POLR3G: variants seen among roughly 807,000 people sequenced by gnomAD.
POLR3G encodes DNA-directed RNA polymerase III subunit RPC7.
In POLR3G, 28 loss-of-function variants were observed where a neutral mutation model predicts 30.1. The ratio of observed to expected loss-of-function variants is 0.93; its 90% CI spans 0.69 to 1.27. The LOEUF (loss-of-function observed/expected upper bound fraction) is 1.27, where lower values mean the gene tolerates loss of function less well. POLR3G is among the 50% of genes most tolerant of loss of function. POLR3G has a pLI of 0.00. For missense variants in POLR3G, 254 were observed against 264.6 expected, an observed-to-expected ratio of 0.96 and a Z score of 0.28; for synonymous variants, 79 against 82.5, an observed-to-expected ratio of 0.96 and a Z score of 0.23.
chr5:90,480,855 C>G (rs1032897687), intron 1 of POLR3G, among the ~76,000 whole-genome samples: 10 of 152,148 alleles, frequency 6.6e-5, no homozygotes, highest in African/African-American at 2.4e-4. Flanking sequence ...GTGACCCCTT[C>G]TGCTCAGCAG....
At chr5:90,497,359 G>GA in intron 4 of POLR3G, among the ~76,000 whole-genome samples, 1 of 149,154 alleles carries the variant, frequency 6.7e-6, no homozygotes, top group Non-Finnish European at 1.5e-5. Context: ...TAATACTTAA[G>GA]AAAAACTGTC....
intron 1 of POLR3G, among the ~76,000 whole-genome samples, chr5:90,484,106 C>T (rs1426233968): frequency 2.0e-5 from 3 of 152,178 alleles, no homozygotes; most frequent in Admixed American, 2.0e-4. Context: ...TTGCCCAATC[C>T]TCACCCCAAG....
intron 2 of POLR3G, among the ~76,000 whole-genome samples, chr5:90,485,982 G>C (rs949651436): frequency 1.4e-4 from 21 of 152,096 alleles, no homozygotes; most frequent in African/African-American, 4.8e-4. Context: ...GAAAATAATA[G>C]TTTTAAAAGT....
intron 3 of POLR3G, among the ~76,000 whole-genome samples, chr5:90,489,739 T>A (rs1751626965): frequency 1.3e-5 from 2 of 152,204 alleles, no homozygotes; most frequent in South Asian, 4.1e-4. Context: ...GCTTTTAAAA[T>A]TGATCTTTTC....
At chr5:90,474,373 C>T, upstream of POLR3G, 1 of 1,314,740 alleles carries the variant, frequency 7.6e-7, no homozygotes, top group Non-Finnish European at 1.1e-6. Flanking sequence ...GGCACTGCGG[C>T]TGTGTGAAGC....
intron 3 of POLR3G, chr5:90,490,594 G>C: frequency 2.8e-6 from 1 of 361,962 alleles, no homozygotes; most frequent in Admixed American, 3.3e-5. Context: ...TTTTTGTAGA[G>C]ACGGGAGTCT....
intron 6 of POLR3G, among the ~76,000 whole-genome samples, chr5:90,504,671 C>G (rs1171640987): frequency 6.6e-6 from 1 of 152,084 alleles, no homozygotes; most frequent in Non-Finnish European, 1.5e-5. Flanking sequence ...CTGCACAGAG[C>G]TAAATAAATA....
intron 3 of POLR3G, among the ~76,000 whole-genome samples, chr5:90,489,182 C>G (rs1751595449): frequency 6.6e-6 from 1 of 151,528 alleles, no homozygotes; most frequent in Non-Finnish European, 1.5e-5. Flanking sequence ...TAGACAAATT[C>G]ATTTAATTCT....
chr5:90,509,574 G>A (rs1299045488), intron 7 of POLR3G, among the ~76,000 whole-genome samples: 2 of 152,154 alleles, frequency 1.3e-5, no homozygotes, highest in Non-Finnish European at 2.9e-5. Context: ...GTCTATTTTA[G>A]GCATATCAAA....
intron 3 of POLR3G, among the ~76,000 whole-genome samples, chr5:90,493,811 G>A (rs1254909080): frequency 7.1e-6 from 1 of 141,752 alleles, no homozygotes; most frequent in East Asian, 2.2e-4. Flanking sequence ...GGATTCAAGT[G>A]ATTCTCTTGC....
At chr5:90,487,375 T>A (rs1175138195) in intron 2 of POLR3G, among the ~76,000 whole-genome samples, 1 of 139,052 alleles carries the variant, frequency 7.2e-6, no homozygotes, top group Non-Finnish European at 1.5e-5. Context: ...TTTTGGTACA[T>A]TAATTTTTTT....
intron 1 of POLR3G, among the ~76,000 whole-genome samples, chr5:90,475,595 A>G (rs908763387): frequency 1.3e-5 from 2 of 152,102 alleles, no homozygotes; most frequent in Non-Finnish European, 2.9e-5. Context: ...TGAGGACGGG[A>G]AAAGTGAATA....
At position 90,502,801 on chromosome 5, in the gene POLR3G, C is replaced by CTTTTTTTTTTTTTTT. The variant is rs34374200; in HGVS notation, c.438+815_438+816insTTTTTTTTTTTTTTT. ...TAAGTCTGTGTAGAGTTACCTCATC[C>CTTTTTTTTTTTTTTT]TTCTTTTTTTTTTTTTGGCTGCACT... On this transcript the variant is annotated intron_variant, in intron 6 of 7. Transcript: ENST00000651687. Among the ~76,000 whole-genome samples the CTTTTTTTTTTTTTTT allele has an allele frequency of 2.1e-5, 3 of 142,272 alleles. 1 individual carries two copies. Among genetic ancestry groups the CTTTTTTTTTTTTTTT allele is most frequent in the Non-Finnish European group, 4.6e-5 (3 of 65,576 alleles). The allele number at this position is 142,272 out of a possible 152,430, so 93.3% of individuals were successfully genotyped here.
At chr5:90,474,245 G>T (rs768033863), upstream of POLR3G, 3 of 1,613,670 alleles carry the variant, frequency 1.9e-6, no homozygotes, top group Non-Finnish European at 2.5e-6. Flanking sequence ...GAATCCAGAA[G>T]ATACCATCGC....
intron 5 of POLR3G, among the ~76,000 whole-genome samples, chr5:90,498,657 G>A (rs2151910765): frequency 6.6e-6 from 1 of 152,120 alleles, no homozygotes; most frequent in African/African-American, 2.4e-5. Flanking sequence ...TTATTATACT[G>A]GCTACATTAT....
intron 3 of POLR3G, among the ~76,000 whole-genome samples, chr5:90,488,633 T>C (rs563861931): frequency 2.6e-5 from 4 of 152,206 alleles, no homozygotes; most frequent in Non-Finnish European, 4.4e-5. Flanking sequence ...TCCTGCTTTT[T>C]AAATATTATT....
In POLR3G at chr5:90,495,730, C is replaced by G; in HGVS notation, c.301C>G (p.Pro101Ala). The change falls in exon 4 of 8, where the codon CCA (proline) becomes GCA (alanine). Residue 101 changes from proline to alanine, a missense_variant. Coordinates refer to ENST00000651687, the MANE Select transcript of POLR3G (RefSeq NM_006467.3). ...YMKVYKEEWIPDWRRLPREMM... is the reference protein window; with the variant it reads ...YMKVYKEEWIADWRRLPREMM... Reference sequence around the variant, plus strand: ...GAAGGTATACAAGGAAGAATGGATACCAGGTAACTACAAAACACACAATAT... The same window carrying G: ...GAAGGTATACAAGGAAGAATGGATAGCAGGTAACTACAAAACACACAATAT... 6.3e-7 allele frequency: 1 copy of G among 1,595,790 alleles called. No individual in the cohort carries two copies.
chr5:90,510,055 T>A (rs1299227403), intron 7 of POLR3G, among the ~76,000 whole-genome samples: 5 of 152,172 alleles, frequency 3.3e-5, no homozygotes, highest in East Asian at 1.9e-4. Context: ...GTTGTCACAC[T>A]GCCATGGGGG....
chr5:90,474,420 G>A (rs977368239), upstream of POLR3G: 5 of 837,318 alleles, frequency 6.0e-6, no homozygotes, highest in African/African-American at 1.7e-5. Context: ...GTAGAGCGAG[G>A]CGGGGGCGTG....
Sources: gnomAD v4.1 joint callset for allele counts (sites outside exome capture counted in the v4.1 genomes callset) on GRCh38, gnomAD v4.1.1 for gene constraint, MANE v1.5 for transcripts, NCBI Gene and HGNC (gene_info 2026-07-23, HGNC 2026-07-21) for gene names.